TMPRSS11A: variants seen among roughly 807,000 people sequenced by gnomAD.
TMPRSS11A encodes transmembrane protease serine 11A.
A neutral mutation model predicts 58.9 loss-of-function variants in TMPRSS11A; 53 were observed. The ratio of observed to expected loss-of-function variants is 0.90; its 90% CI spans 0.72 to 1.13. The LOEUF is 1.13. TMPRSS11A is among the 50% of genes most tolerant of loss of function. The pLI is 0.00. For missense variants in TMPRSS11A, 493 were observed against 499.3 expected (o/e 0.99, Z 0.12); for synonymous variants, 167 against 169.8 (o/e 0.98, Z 0.13).
intron 1 of TMPRSS11A, among the ~76,000 whole-genome samples, chr4:67,960,429 T>C (rs1455448014): frequency 6.6e-6 from 1 of 152,192 alleles, no homozygotes; most frequent in African/African-American, 2.4e-5. Context: ...CTCCTTCACT[T>C]ACTAGCTTGT....
At chr4:67,957,181 T>C (rs544219748) in intron 1 of TMPRSS11A, among the ~76,000 whole-genome samples, 8 of 152,326 alleles carry the variant, frequency 5.3e-5, no homozygotes, top group Admixed American at 5.2e-4. Context: ...AACGGACTAA[T>C]ACAGTAAATT....
chr4:67,920,463 T>G (rs1461079223), intron 7 of TMPRSS11A, among the ~76,000 whole-genome samples: 1 of 149,958 alleles, frequency 6.7e-6, no homozygotes, highest in Non-Finnish European at 1.5e-5. Context: ...AAGTCTCGAA[T>G]GTTCAGAGAA....
chr4:67,937,481 G>A (rs113458285), intron 3 of TMPRSS11A, among the ~76,000 whole-genome samples: 1,659 of 152,292 alleles, frequency 0.011, 27 homozygotes, highest in African/African-American at 0.037. Context: ...AATGAGAGAA[G>A]AATTGATTTA....
At chr4:67,958,634 A>C (rs1409842088) in intron 1 of TMPRSS11A, among the ~76,000 whole-genome samples, 1 of 152,182 alleles carries the variant, frequency 6.6e-6, no homozygotes, top group Non-Finnish European at 1.5e-5. Context: ...CTTGTCTCAG[A>C]TGAGACTGTG....
chr4:67,960,895 G>A (rs1041053936), intron 1 of TMPRSS11A, among the ~76,000 whole-genome samples: 1 of 152,224 alleles, frequency 6.6e-6, no homozygotes, highest in Non-Finnish European at 1.5e-5. Flanking sequence ...ATGGGAAAAA[G>A]AGATGCCAGA....
chr4:67,911,452 G>A lies in TMPRSS11A; in HGVS notation c.1147C>T (p.Leu383Phe). The A allele has an allele frequency of 6.2e-7, 1 of 1,613,308 alleles. No homozygotes were observed. Among genetic ancestry groups the A allele is most frequent in the Non-Finnish European group, 8.5e-7 (1 of 1,179,452 alleles). ...TCTCCCCAGCTTACAATTCCAATGAGATACCACGTATCTTTCAGATCCCTT... is the reference window on the plus strand; with the variant it reads ...TCTCCCCAGCTTACAATTCCAATGAAATACCACGTATCTTTCAGATCCCTT... ...VTRDLKDTWY[L>F]IGIVSWGDNC... Residue 383 changes from leucine to phenylalanine, a missense_variant, in exon 10 of 10, where the codon CTC (leucine) becomes TTC (phenylalanine). Coordinates refer to ENST00000508048, the MANE Select transcript of TMPRSS11A (RefSeq NM_001114387.2).
At chr4:67,930,093 C>T in intron 4 of TMPRSS11A, 53 bp from the exon 5 acceptor site, 3 of 1,541,048 alleles carry the variant, frequency 1.9e-6, no homozygotes, top group Non-Finnish European at 2.7e-6. Context: ...TGGAATTGTC[C>T]TTCAGTCTTA....
chr4:67,962,167 T>A (rs1721447161), intron 1 of TMPRSS11A, among the ~76,000 whole-genome samples: 1 of 152,192 alleles, frequency 6.6e-6, no homozygotes, highest in African/African-American at 2.4e-5. Context: ...GCTTGCCCAT[T>A]CATTTGTTCA....
At chr4:67,947,154 C>A (rs1721036790) in intron 1 of TMPRSS11A, among the ~76,000 whole-genome samples, 1 of 151,754 alleles carries the variant, frequency 6.6e-6, no homozygotes. Flanking sequence ...GACTTTTTAC[C>A]AAATCATTAT....
At chr4:67,950,645 T>C (rs1348347344) in intron 1 of TMPRSS11A, among the ~76,000 whole-genome samples, 1 of 152,176 alleles carries the variant, frequency 6.6e-6, no homozygotes, top group Non-Finnish European at 1.5e-5. Context: ...CTGCCTACCA[T>C]AACTGAAAAT....
intron 1 of TMPRSS11A, among the ~76,000 whole-genome samples, chr4:67,952,569 C>T (rs916808955): frequency 6.6e-6 from 1 of 152,102 alleles, no homozygotes; most frequent in Non-Finnish European, 1.5e-5. Flanking sequence ...AATTCCTTTC[C>T]TCCCCATCCC....
intron 1 of TMPRSS11A, among the ~76,000 whole-genome samples, chr4:67,947,567 C>T (rs1721053350): frequency 6.6e-6 from 1 of 152,092 alleles, no homozygotes; most frequent in Non-Finnish European, 1.5e-5. Context: ...GCTCTGAAGT[C>T]TTGATTAGAT....
In TMPRSS11A at chr4:67,946,484, C is replaced by G. The variant is rs147036994; in HGVS notation, c.99G>C (p.Val33=). ...LIVLSLTVVA[V]TIGLLVHFLV... ...GGAAGTGAACCAGGAGACCTATGGT[C>G]ACTGCCACCACTGTCAGGGACAACA... Residue 33 remains valine (V), a synonymous_variant, in exon 2 of 10, where the codon GTG becomes GTC. Coordinates refer to ENST00000508048, the MANE Select transcript of TMPRSS11A (RefSeq NM_001114387.2). The G allele has an allele frequency of 1.4e-5, 22 of 1,608,632 alleles. No individual in the cohort carries two copies. The highest frequency in any genetic ancestry group is 1.6e-5 in the Non-Finnish European group (19 of 1,177,526).
rs796829950 is a variant in TMPRSS11A at position 67,950,606 on chromosome 4, G to C, written c.12-4035C>G. Among the ~76,000 whole-genome samples, 5 of 152,116 alleles carry C rather than the reference G, an allele frequency of 3.3e-5. 1 individual carries two copies. The highest frequency in any genetic ancestry group is 1.3e-4 in the Admixed American group (2 of 15,272). ...GGGATAAAGTCTATGTACACCGGAG[G>C]GGGGAATCTTGGGGGCCCTCTTAGA... On this transcript the variant is annotated intron_variant, in intron 1 of 9. Transcript: ENST00000508048.
At chr4:67,933,104 A>AACACACAC (rs34906854) in intron 3 of TMPRSS11A, among the ~76,000 whole-genome samples, 1 of 150,160 alleles carries the variant, frequency 6.7e-6, no homozygotes, top group South Asian at 2.1e-4. Context: ...GCATGACTGA[A>AACACACAC]ACACACACAC....
At chr4:67,924,607 C>T (rs940146964) in intron 5 of TMPRSS11A, among the ~76,000 whole-genome samples, 8 of 152,160 alleles carry the variant, frequency 5.3e-5, no homozygotes, top group Admixed American at 2.6e-4. Context: ...GTTTAATGGA[C>T]TCAGAGTTCC....
intron 7 of TMPRSS11A, 101 bp downstream of exon 7, chr4:67,922,654 T>C: frequency 8.6e-7 from 1 of 1,168,020 alleles, no homozygotes; most frequent in East Asian, 2.4e-5. Flanking sequence ...TTTTTCTTAT[T>C]TTACTTCAGT....
chr4:67,956,902 G>C (rs1329981743), intron 1 of TMPRSS11A, among the ~76,000 whole-genome samples: 2 of 152,182 alleles, frequency 1.3e-5, no homozygotes. Flanking sequence ...TGTTGTGGGA[G>C]AGACCCAATG....
intron 3 of TMPRSS11A, among the ~76,000 whole-genome samples, chr4:67,939,986 G>A (rs1720842031): frequency 6.6e-6 from 1 of 152,182 alleles, no homozygotes. Flanking sequence ...ACCATGCCTG[G>A]CTAATTGTAT....
Sources: gnomAD v4.1 joint callset for allele counts (sites outside exome capture counted in the v4.1 genomes callset) on GRCh38, gnomAD v4.1.1 for gene constraint, MANE v1.5 for transcripts, NCBI Gene and HGNC (gene_info 2026-07-23, HGNC 2026-07-21) for gene names.